The following TMEM131 variants were observed in gnomAD, a reference collection of about 807,000 sequenced individuals.
The protein encoded by TMEM131 is transmembrane protein 131.
TMEM131 carries 66 observed loss-of-function variants against 211.6 expected under a neutral mutation model. The ratio of observed to expected loss-of-function variants is 0.31; its 90% CI spans 0.26 to 0.38. TMEM131 has a LOEUF of 0.38. Ranked by LOEUF, TMEM131 falls within the 10% of genes least tolerant of loss-of-function variation. The pLI, the probability that TMEM131 is intolerant of heterozygous loss-of-function variation, is 1.00. For synonymous variants in TMEM131, 844 were observed against 841.3 expected (o/e 1.00, Z -0.06); for missense variants, 2,036 against 2,299.3 (o/e 0.89, Z 2.34).
Position 97,760,623 on chromosome 2 carries a change from T to C in TMEM131, c.5078A>G (p.His1693Arg), listed in dbSNP as rs772307740. 13 of 1,612,648 alleles carry C rather than the reference T, an allele frequency of 8.1e-6. 1 individual carries two copies. The highest frequency in any genetic ancestry group is 3.3e-5 in the South Asian group (3 of 90,780). Residue 1693 changes from histidine to arginine, a missense_variant, in exon 38 of 41, where the codon CAC becomes CGC. Coordinates refer to ENST00000186436, the MANE Select transcript of TMEM131 (RefSeq NM_015348.2). ...TGFSSSLGISHAPVDSDGSDS... is the reference protein window; with the variant it reads ...TGFSSSLGISRAPVDSDGSDS... ...TGAGCCATCGCTGTCAACAGGAGCG[T>C]GTGAAATGCCAAGGCTGCTGGAGAA...
At chr2:97,919,307 T>C (rs1489561664) in intron 2 of TMEM131, among the ~76,000 whole-genome samples, 1 of 152,228 alleles carries the variant, frequency 6.6e-6, no homozygotes, top group Non-Finnish European at 1.5e-5. Flanking sequence ...GCCTAAAGAC[T>C]GTATTATTTC....
chr2:97,802,692 C>T lies in TMEM131; in HGVS notation c.2501G>A (p.Arg834Gln), dbSNP rs762090529. Residue 834 changes from arginine (R) to glutamine (Q), a missense_variant, in exon 23 of 41, where the codon CGG becomes CAG. Physicochemically the swap from Arg to Gln is conservative, Grantham distance 43. This residue lies in a region of TMEM131 where 1,623 missense variants were observed against 1,805.9 expected (regional missense o/e 0.90). Transcript: ENST00000186436. Reference sequence around the variant, plus strand: ...ATTAGTAAGTGGAAATTTCAAGTGCCGGGGTGAGCTAAGTATGGAAGGCCA... The same window carrying T: ...ATTAGTAAGTGGAAATTTCAAGTGCTGGGGTGAGCTAAGTATGGAAGGCCA... ...LSWPSILSSP[R>Q]HLKFPLTNTN... 2.2e-5 allele frequency: 35 copies of T among 1,610,246 alleles called. No homozygotes were observed. Among genetic ancestry groups the T allele is most frequent in the Middle Eastern group, 1.6e-4 (1 of 6,072 alleles).
At chr2:97,981,550 G>A (rs2104643994) in intron 1 of TMEM131, among the ~76,000 whole-genome samples, 1 of 152,188 alleles carries the variant, frequency 6.6e-6, no homozygotes, top group African/African-American at 2.4e-5. Flanking sequence ...TCTCATTTAG[G>A]TTTTTTCCCC....
intron 4 of TMEM131, among the ~76,000 whole-genome samples, chr2:97,868,291 T>A (rs1053094941): frequency 6.6e-6 from 1 of 152,180 alleles, no homozygotes; most frequent in African/African-American, 2.4e-5. Flanking sequence ...ATTTTTAACT[T>A]GTCTATGTCT....
chr2:97,757,490 T>A (rs146377433), intron 40 of TMEM131, 107 bp from the exon 41 acceptor site: 35 of 1,224,256 alleles, frequency 2.9e-5, no homozygotes, highest in Non-Finnish European at 3.7e-5. Context: ...GCATTCCTCT[T>A]ACTTTGTTTA....
intron 3 of TMEM131, among the ~76,000 whole-genome samples, chr2:97,889,288 T>C (rs1316073778): frequency 1.3e-5 from 2 of 152,146 alleles, no homozygotes; most frequent in Non-Finnish European, 2.9e-5. Flanking sequence ...AAGATTATAT[T>C]TTACTAAAGC....
chr2:97,956,085 A>C (rs1678553398), intron 1 of TMEM131, among the ~76,000 whole-genome samples: 1 of 152,238 alleles, frequency 6.6e-6, no homozygotes, highest in South Asian at 2.1e-4. Context: ...ATTAAGGTAG[A>C]GTAAGAGTAA....
rs1457403796 is a variant in TMEM131 at position 97,908,650 on chromosome 2, A to G, written c.290+8T>C. The G allele has an allele frequency of 1.9e-6, 3 of 1,596,748 alleles. No homozygotes were observed. The highest frequency in any genetic ancestry group is 2.6e-6 in the Non-Finnish European group (3 of 1,166,148). On this transcript the variant is annotated splice_region_variant and intron_variant, in intron 3 of 40. Transcript: ENST00000186436. The stretch of plus-strand genomic sequence containing the variant: ...AAGTATGTTAATTATCTTATTAAAT[A>G]TACTTACCTTTTCTGCTGATATGAA...
intron 5 of TMEM131, among the ~76,000 whole-genome samples, chr2:97,853,965 G>A (rs564289436): frequency 2.6e-5 from 4 of 152,194 alleles, no homozygotes; most frequent in Non-Finnish European, 5.9e-5. Flanking sequence ...CATAAACTTA[G>A]AGGCAGGGTT....
intron 4 of TMEM131, 89 bp downstream of exon 4, chr2:97,887,963 A>T (rs1428572783): frequency 9.7e-7 from 1 of 1,028,956 alleles, no homozygotes; most frequent in Non-Finnish European, 1.5e-6. Context: ...TCCCACATAG[A>T]TGTAACACAG....
At position 97,839,822 on chromosome 2, in the gene TMEM131, G is replaced by T. The variant is rs558401633; in HGVS notation, c.723+1993C>A. Among the ~76,000 whole-genome samples, 4 of 152,318 alleles carry T rather than the reference G, an allele frequency of 2.6e-5. No individual in the cohort carries two copies. In the South Asian group the frequency reaches 8.3e-4, roughly 32 times the overall value. ...GCTCAACAGTCACACGTAGCTAGCG[G>T]CTACTGTTTTGGACAAAGCAGGAAA... On this transcript the variant is annotated intron_variant, in intron 7 of 40. Transcript: ENST00000186436.
chr2:97,861,191 A>T (rs574239285), intron 4 of TMEM131, among the ~76,000 whole-genome samples: 1 of 152,158 alleles, frequency 6.6e-6, no homozygotes, highest in East Asian at 2.0e-4. Context: ...TTTGAAAGGC[A>T]GTCTAGGCCA....
chr2:97,971,929 C>T (rs186741439), intron 1 of TMEM131, among the ~76,000 whole-genome samples: 11 of 152,192 alleles, frequency 7.2e-5, no homozygotes, highest in East Asian at 3.9e-4. Context: ...AAGAAAGGAG[C>T]GGGCACAGTG....
intron 1 of TMEM131, among the ~76,000 whole-genome samples, chr2:97,959,510 CCTTT>C (rs1273135308): frequency 6.6e-6 from 1 of 152,004 alleles, no homozygotes; most frequent in Admixed American, 6.6e-5. Flanking sequence ...GCACATTCTC[CCTTT>C]CTCTCTCTCT....
intron 29 of TMEM131, among the ~76,000 whole-genome samples, 172 bp from the exon 30 acceptor site, chr2:97,793,725 T>C (rs1680612321): frequency 6.6e-6 from 1 of 152,056 alleles, no homozygotes; most frequent in Admixed American, 6.5e-5. Flanking sequence ...CTGGGCACGG[T>C]AGCTCATGCC....
Position 97,949,650 on chromosome 2 carries a change from G to GA in TMEM131, c.188-22164dup, listed in dbSNP as rs947168166. On this transcript the variant is annotated intron_variant, in intron 1 of 40. Transcript: ENST00000186436. ...AACATGGTGAAACCTCGTCTCTACTGAAAAAAAAAATACAAAAAAATTAGC... is the reference window on the plus strand; with the variant it reads ...AACATGGTGAAACCTCGTCTCTACTGAAAAAAAAAAATACAAAAAAATTAGC... Among the ~76,000 whole-genome samples the GA allele has an allele frequency of 9.4e-4, 138 of 146,506 alleles. 1 individual carries two copies. Among genetic ancestry groups the GA allele is most frequent in the Admixed American group, 5.3e-3 (78 of 14,740 alleles).
rs543006046 is a variant in TMEM131 at position 97,822,549 on chromosome 2, G to A, written c.1075-3828C>T. 1.4e-4 allele frequency among the ~76,000 whole-genome samples: 22 copies of A among 152,270 alleles called. No homozygotes were observed. In the East Asian group the frequency reaches 2.3e-3, roughly 16 times the overall value. On this transcript the variant is annotated intron_variant, in intron 11 of 40. Coordinates refer to ENST00000186436, the MANE Select transcript of TMEM131 (RefSeq NM_015348.2). ...AACTCTAACAGGTTTTCGAGAATGC[G>A]TCGGTAAGGGCCACTAAATCTGATT...
At chr2:97,811,342 C>A in intron 17 of TMEM131, 110 bp from the exon 18 acceptor site, 1 of 762,304 alleles carries the variant, frequency 1.3e-6, no homozygotes, top group Non-Finnish European at 2.3e-6. Flanking sequence ...CTAACATATA[C>A]CAGTATGACA....
intron 7 of TMEM131, 61 bp from the exon 8 acceptor site, chr2:97,837,218 G>A (rs1682982070): frequency 8.2e-7 from 1 of 1,219,684 alleles, no homozygotes; most frequent in Admixed American, 2.5e-5. Flanking sequence ...CAGGTGACTT[G>A]CTATTACACA....
Sources: gnomAD v4.1 joint callset for allele counts (sites outside exome capture counted in the v4.1 genomes callset) on GRCh38, gnomAD v4.1.1 for gene constraint, gnomAD v4.1.1 regional missense constraint, MANE v1.5 for transcripts, NCBI Gene and HGNC (gene_info 2026-07-23, HGNC 2026-07-21) for gene names.